Variants in LSMEM2 observed in about 807,000 individuals in gnomAD.
The protein encoded by LSMEM2 is leucine-rich single-pass membrane protein 2.
A neutral mutation model predicts 17.3 loss-of-function variants in LSMEM2; 20 were observed. That is an observed-to-expected ratio of 1.16 (90% CI 0.81 to 1.68). LSMEM2 has a LOEUF of 1.68. Ranked by LOEUF, LSMEM2 falls within the 40% of genes most tolerant of loss-of-function variation. The pLI is 0.00. For missense variants in LSMEM2, 207 were observed against 214.3 expected, an observed-to-expected ratio of 0.97 and a Z score of 0.21; for synonymous variants, 94 against 97.8, an observed-to-expected ratio of 0.96 and a Z score of 0.23.
chr3:50,287,035 CAT>C lies in LSMEM2; in HGVS notation c.362-33_362-32del, dbSNP rs781814194. The C allele has an allele frequency of 3.1e-6, 5 of 1,612,032 alleles. No individual in the cohort carries two copies. In the South Asian group the frequency reaches 5.5e-5, roughly 18 times the overall value. ...GGTCTGCAGGGGTCACGGGGTGGCA[CAT>C]GGTCTGATGATCCCCCACTTCCCAT... On this transcript the variant is annotated intron_variant, in intron 3 of 3. Transcript: ENST00000316436.
intron 1 of LSMEM2, among the ~76,000 whole-genome samples, chr3:50,279,460 C>T (rs1559795232): frequency 6.6e-6 from 1 of 152,182 alleles, no homozygotes; most frequent in South Asian, 2.1e-4. Context: ...AGGCTGTGCT[C>T]AGGTGGGTGT....
At chr3:50,283,120 G>A (rs1315741170) in intron 1 of LSMEM2, among the ~76,000 whole-genome samples, 1 of 151,850 alleles carries the variant, frequency 6.6e-6, no homozygotes, top group Non-Finnish European at 1.5e-5. Flanking sequence ...GGGAGGCGGA[G>A]GTTGCAGTGA....
At chr3:50,279,047 G>C (rs1214405125), upstream of LSMEM2, 14 of 1,550,034 alleles carry the variant, frequency 9.0e-6, no homozygotes, top group Non-Finnish European at 1.2e-5. Flanking sequence ...CCAAGGCTGG[G>C]AGGCAGCCAG....
intron 1 of LSMEM2, among the ~76,000 whole-genome samples, chr3:50,280,232 G>A (rs375354797): frequency 6.8e-6 from 1 of 146,366 alleles, no homozygotes; most frequent in East Asian, 2.0e-4. Context: ...TCGGCTCACT[G>A]CAACCTCTGC....
At chr3:50,279,293 T>C in intron 1 of LSMEM2, 122 bp downstream of exon 1, 1 of 896,838 alleles carries the variant, frequency 1.1e-6, no homozygotes, top group Non-Finnish European at 1.8e-6. Flanking sequence ...CCCATTTTCA[T>C]GCTCCAGCTC....
intron 1 of LSMEM2, 136 bp from the exon 2 acceptor site, chr3:50,286,335 G>C (rs1701524434): frequency 9.2e-6 from 12 of 1,303,066 alleles, no homozygotes; most frequent in South Asian, 3.0e-5. Context: ...GGTAATTCCT[G>C]AGTCAGTTTT....
In LSMEM2 at chr3:50,286,809, C is replaced by T. The variant is rs781920672; in HGVS notation, c.308C>T (p.Ala103Val). 1.4e-5 allele frequency: 23 copies of T among 1,613,944 alleles called. No individual in the cohort carries two copies. The highest frequency in any genetic ancestry group is 2.2e-5 in the South Asian group (2 of 91,092). The change falls in exon 3 of 4, where the codon GCG becomes GTG. Residue 103 changes from alanine (A) to valine (V), a missense_variant. Transcript: ENST00000316436. ...CGAGGAGGGTTCCTGCTGCTGCTCG[C>T]GCTGCTGGTGCTCACTTGCCTAGTG... The part of the protein sequence containing the change: ...YRRGGFLLLL[A>V]LLVLTCLVLA...
At position 50,287,095 on chromosome 3, in the gene LSMEM2, C is replaced by G; in HGVS notation, c.388C>G (p.Leu130Val). 2 of 1,614,170 alleles carry G rather than the reference C, an allele frequency of 1.2e-6. No homozygotes were observed. The highest frequency in any genetic ancestry group is 8.5e-7 in the Non-Finnish European group (1 of 1,180,024). ...GCTGCAGAGTGAATCCCTGCGCATC[C>G]TGGCACACACGCTCCGCACGCAGGA... ...SVLQSESLRILAHTLRTQEET... is the reference protein window; with the variant it reads ...SVLQSESLRIVAHTLRTQEET... The change falls in exon 4 of 4, where the codon CTG becomes GTG. Residue 130 changes from leucine to valine, a missense_variant. Physicochemically the swap from Leu to Val is conservative, Grantham distance 32. Coordinates refer to ENST00000316436, the MANE Select transcript of LSMEM2 (RefSeq NM_153215.3).
chr3:50,281,766 C>G (rs1701405215), intron 1 of LSMEM2, among the ~76,000 whole-genome samples: 1 of 148,700 alleles, frequency 6.7e-6, no homozygotes, highest in African/African-American at 2.5e-5. Flanking sequence ...GCAGCCTTGA[C>G]TTCCTGGACT....
At chr3:50,280,595 C>CTT (rs58315474) in intron 1 of LSMEM2, among the ~76,000 whole-genome samples, 7 of 136,356 alleles carry the variant, frequency 5.1e-5, no homozygotes, top group Non-Finnish European at 4.8e-5. Context: ...CCTTTCTTTT[C>CTT]TTTTTTTTTT....
In LSMEM2 at chr3:50,287,324, T is replaced by G; in HGVS notation, c.*122T>G. ...TACACTATTTCCTTGGTGAGATTTT[T>G]GTACAAGAACCTGTTGTTAACTTAA... On this transcript the variant is annotated 3_prime_UTR_variant, in exon 4 of 4. Transcript: ENST00000316436. The G allele has an allele frequency of 1.5e-6, 2 of 1,338,068 alleles. No individual in the cohort carries two copies. The highest frequency in any genetic ancestry group is 2.1e-6 in the Non-Finnish European group (2 of 961,850). 82.9% of individuals were successfully genotyped at this position (1,338,068 alleles called of 1,614,324 possible).
At chr3:50,284,454 G>A (rs1175713627) in intron 1 of LSMEM2, among the ~76,000 whole-genome samples, 7 of 152,006 alleles carry the variant, frequency 4.6e-5, no homozygotes, top group African/African-American at 1.7e-4. Context: ...ATCAGGCCGG[G>A]CATGGTGGCT....
intron 3 of LSMEM2, 79 bp downstream of exon 3, chr3:50,286,941 A>T: frequency 6.3e-7 from 1 of 1,585,288 alleles, no homozygotes. Context: ...AGCTGGAAGG[A>T]GTAACTGCAG....
At chr3:50,281,791 A>G (rs1701407031) in intron 1 of LSMEM2, among the ~76,000 whole-genome samples, 1 of 140,702 alleles carries the variant, frequency 7.1e-6, no homozygotes, top group Non-Finnish European at 1.5e-5. Flanking sequence ...CAACCCTCCC[A>G]CCTCAGCCTC....
chr3:50,279,290 T>C (rs2109258084), intron 1 of LSMEM2, 119 bp downstream of exon 1: 4 of 919,302 alleles, frequency 4.4e-6, no homozygotes, highest in Non-Finnish European at 7.0e-6. Context: ...TTACCCATTT[T>C]CATGCTCCAG....
intron 1 of LSMEM2, among the ~76,000 whole-genome samples, chr3:50,279,953 G>A (rs1575480451): frequency 6.6e-6 from 1 of 150,990 alleles, no homozygotes; most frequent in Non-Finnish European, 1.5e-5. Flanking sequence ...TCGGCTCACT[G>A]CAACCTCCGC....
upstream of LSMEM2, among the ~76,000 whole-genome samples, chr3:50,278,177 G>A (rs2109256427): frequency 6.6e-6 from 1 of 152,290 alleles, no homozygotes; most frequent in Admixed American, 6.5e-5. Context: ...TGAGACAACG[G>A]AGTGACAGGT....
In LSMEM2 at chr3:50,287,145, G is replaced by C. The variant is rs1440310530; in HGVS notation, c.438G>C (p.Leu146Phe). Residue 146 changes from leucine (L) to phenylalanine (F), a missense_variant, in exon 4 of 4, where the codon TTG becomes TTC. Coordinates refer to ENST00000316436, the MANE Select transcript of LSMEM2 (RefSeq NM_153215.3). ...TQEETLLKLR[L>F]ASLSQLRRLN... ...AGGAGACACTACTCAAACTCCGCTT[G>C]GCCAGCCTCAGCCAGCTTCGGAGGC... The C allele has an allele frequency of 6.2e-7, 1 of 1,614,026 alleles. No individual in the cohort carries two copies. Among genetic ancestry groups the C allele is most frequent in the African/African-American group, 1.3e-5 (1 of 74,910 alleles).
intron 1 of LSMEM2, among the ~76,000 whole-genome samples, chr3:50,285,860 G>A (rs975350917): frequency 2.6e-5 from 4 of 152,132 alleles, no homozygotes; most frequent in South Asian, 2.1e-4. Flanking sequence ...AAAGGGGGGC[G>A]GGGACTGCAA....
Sources: gnomAD v4.1 joint callset for allele counts (sites outside exome capture counted in the v4.1 genomes callset) on GRCh38, gnomAD v4.1.1 for gene constraint, MANE v1.5 for transcripts, NCBI Gene and HGNC (gene_info 2026-07-23, HGNC 2026-07-21) for gene names.